VSNL1: variants seen among roughly 807,000 people sequenced by gnomAD.
VSNL1 encodes the protein visinin like 1.
A neutral mutation model predicts 20.4 loss-of-function variants in VSNL1; 6 were observed. That is an observed-to-expected ratio of 0.29 (90% confidence interval 0.16 to 0.58). The LOEUF is 0.58. Among genes scored for constraint, VSNL1 ranks in the 20% least tolerant of loss-of-function variants. The pLI, the probability that VSNL1 is intolerant of heterozygous loss-of-function variation, is 0.90. For missense variants in VSNL1, 100 were observed against 234.5 expected, an observed-to-expected ratio of 0.43 and a Z score of 3.75; for synonymous variants, 93 against 86.4, an observed-to-expected ratio of 1.08 and a Z score of -0.42.
At position 17,616,516 on chromosome 2, in the gene VSNL1, C is replaced by T. The variant is rs1355008411; in HGVS notation, c.162+24280C>T. Among the ~76,000 whole-genome samples, 4 of 152,226 alleles carry T rather than the reference C, an allele frequency of 2.6e-5. No homozygotes were observed. In the South Asian group the frequency reaches 6.2e-4, roughly 24 times the overall value. ...GTAGAATAGAGTGTACTTCTCCAAA[C>T]ACTGATGGATGGCACAATGGTAGGT... On this transcript the variant is annotated intron_variant, in intron 2 of 3. Transcript: ENST00000295156.
chr2:17,624,694 G>T (rs1665466020), intron 2 of VSNL1, among the ~76,000 whole-genome samples: 1 of 152,242 alleles, frequency 6.6e-6, no homozygotes, highest in South Asian at 2.1e-4. Context: ...GAGAAGGAGA[G>T]GGGGTGGAAT....
intron 1 of VSNL1, chr2:17,567,846 A>G (rs991590712): frequency 6.6e-6 from 1 of 152,156 alleles, no homozygotes; most frequent in Non-Finnish European, 1.5e-5. Context: ...TTTACTAATA[A>G]GGTCAATACC....
chr2:17,599,112 C>A (rs1284000839), intron 2 of VSNL1, among the ~76,000 whole-genome samples: 1 of 152,204 alleles, frequency 6.6e-6, no homozygotes, highest in Non-Finnish European at 1.5e-5. Context: ...CCACAAATCC[C>A]TGCCTAGGTG....
At chr2:17,623,810 C>G (rs893060849) in intron 2 of VSNL1, among the ~76,000 whole-genome samples, 3 of 152,062 alleles carry the variant, frequency 2.0e-5, no homozygotes, top group Non-Finnish European at 4.4e-5. Flanking sequence ...AATTCAGATC[C>G]TCTCCTTCCA....
chr2:17,543,790 C>A (rs1663348784), intron 1 of VSNL1, among the ~76,000 whole-genome samples: 1 of 152,232 alleles, frequency 6.6e-6, no homozygotes. Context: ...GCAAAGCAGA[C>A]AAGGTGACCC....
chr2:17,621,036 G>T (rs1002363853), intron 2 of VSNL1, among the ~76,000 whole-genome samples: 2 of 152,124 alleles, frequency 1.3e-5, no homozygotes, highest in African/African-American at 2.4e-5. Context: ...TAGACTTATG[G>T]TTACATAATG....
At chr2:17,593,260 T>G (rs1398279066) in intron 2 of VSNL1, among the ~76,000 whole-genome samples, 1 of 152,030 alleles carries the variant, frequency 6.6e-6, no homozygotes, top group African/African-American at 2.4e-5. Flanking sequence ...TTCACAATGG[T>G]AAAACTGGGA....
At chr2:17,594,366 G>A (rs1184817533) in intron 2 of VSNL1, among the ~76,000 whole-genome samples, 3 of 152,072 alleles carry the variant, frequency 2.0e-5, no homozygotes, top group African/African-American at 7.2e-5. Flanking sequence ...TCTCCTTCTA[G>A]AGTTGTCCAA....
chr2:17,621,904 T>C (rs927689839), intron 2 of VSNL1, among the ~76,000 whole-genome samples: 4 of 152,102 alleles, frequency 2.6e-5, no homozygotes, highest in South Asian at 4.1e-4. Flanking sequence ...AATGAGATTA[T>C]AGGAATGAGC....
At chr2:17,570,728 TAGAA>T (rs1048797412) in intron 1 of VSNL1, among the ~76,000 whole-genome samples, 6 of 152,142 alleles carry the variant, frequency 3.9e-5, no homozygotes, top group African/African-American at 1.2e-4. Flanking sequence ...AACTGAGCCT[TAGAA>T]AGGCTAATTG....
chr2:17,547,993 C>A (rs954479706), intron 1 of VSNL1, among the ~76,000 whole-genome samples: 3 of 152,028 alleles, frequency 2.0e-5, no homozygotes, highest in African/African-American at 7.2e-5. Flanking sequence ...TTAATACTTT[C>A]CCAAAACAGG....
intron 1 of VSNL1, among the ~76,000 whole-genome samples, chr2:17,568,002 T>C (rs534441022): frequency 1.3e-5 from 2 of 152,290 alleles, no homozygotes; most frequent in East Asian, 3.9e-4. Context: ...GTCTATTCTT[T>C]TTTTAGATGA....
chr2:17,631,587 C>T (rs1200945063), intron 2 of VSNL1, among the ~76,000 whole-genome samples: 1 of 152,094 alleles, frequency 6.6e-6, no homozygotes, highest in East Asian at 1.9e-4. Context: ...ATAACCAGAT[C>T]AATTTTATAA....
At chr2:17,622,545 AAAGAAAGAAAGAAAGAAAGAAAGAAAG>A (rs1665396955) in intron 2 of VSNL1, among the ~76,000 whole-genome samples, 2 of 64,960 alleles carry the variant, frequency 3.1e-5, no homozygotes, top group Non-Finnish European at 6.1e-5. Context: ...AGAAAGAAAG[AAAGAAAGAAAGAAAGAAAGAAAGAAAG>A]AAAGAAAGAA....
chr2:17,600,085 G>A (rs1664791453), intron 2 of VSNL1, among the ~76,000 whole-genome samples: 1 of 152,304 alleles, frequency 6.6e-6, no homozygotes, highest in African/African-American at 2.4e-5. Context: ...CTTTTAGCAA[G>A]GACATTCTGT....
chr2:17,578,294 T>A (rs1246306486), intron 1 of VSNL1, among the ~76,000 whole-genome samples: 1 of 152,218 alleles, frequency 6.6e-6, no homozygotes. Flanking sequence ...TGGAAGGCAC[T>A]GATAACTGGC....
intron 1 of VSNL1, among the ~76,000 whole-genome samples, chr2:17,551,912 A>T (rs559717465): frequency 1.3e-5 from 2 of 151,286 alleles, no homozygotes; most frequent in South Asian, 4.2e-4. Context: ...AAAAAAAAAA[A>T]AAAAGCCCAG....
intron 1 of VSNL1, among the ~76,000 whole-genome samples, chr2:17,585,639 T>C (rs4416214): frequency 0.099 from 15,082 of 151,628 alleles, 1,124 homozygotes; most frequent in African/African-American, 0.2. Flanking sequence ...GGGGATGGGC[T>C]TCTCATCCCA....
chr2:17,567,597 T>C (rs1293053445), intron 1 of VSNL1: 1 of 152,148 alleles, frequency 6.6e-6, no homozygotes, highest in Admixed American at 6.5e-5. Flanking sequence ...CCTGACCTCG[T>C]GATCCGCCTG....
Sources: gnomAD v4.1 joint callset for allele counts (sites outside exome capture counted in the v4.1 genomes callset) on GRCh38, gnomAD v4.1.1 for gene constraint, MANE v1.5 for transcripts, NCBI Gene and HGNC (gene_info 2026-07-23, HGNC 2026-07-21) for gene names.